Variants in MGAT4C observed in about 807,000 individuals in gnomAD.
MGAT4C encodes MGAT4 family member C.
In MGAT4C, 19 loss-of-function variants were observed where a neutral mutation model predicts 40.1. The ratio of observed to expected loss-of-function variants is 0.47; its 90% CI spans 0.33 to 0.70. The LOEUF is 0.70. Ranked by LOEUF, MGAT4C falls within the 30% of genes least tolerant of loss-of-function variation. The pLI is 0.02. For synonymous variants in MGAT4C, 181 were observed against 187.1 expected, an observed-to-expected ratio of 0.97 and a Z score of 0.27; for missense variants, 491 against 563.2, an observed-to-expected ratio of 0.87 and a Z score of 1.30.
intron 2 of MGAT4C, among the ~76,000 whole-genome samples, chr12:86,607,033 A>G (rs1250878513): frequency 2.0e-5 from 3 of 152,142 alleles, no homozygotes; most frequent in African/African-American, 7.2e-5. Flanking sequence ...ATGAACTTGG[A>G]AAGTATATGA....
chr12:86,631,870 A>G (rs557233889), intron 2 of MGAT4C, among the ~76,000 whole-genome samples: 4 of 152,192 alleles, frequency 2.6e-5, no homozygotes, highest in Middle Eastern at 3.4e-3. Context: ...CTAAAACACC[A>G]AAAGCAATGG....
At chr12:86,377,799 A>T (rs1356878060) in intron 3 of MGAT4C, among the ~76,000 whole-genome samples, 1 of 152,116 alleles carries the variant, frequency 6.6e-6, no homozygotes, top group Non-Finnish European at 1.5e-5. Flanking sequence ...ACCCATCTTG[A>T]GAACTTTTCT....
intron 2 of MGAT4C, among the ~76,000 whole-genome samples, chr12:86,530,906 A>G (rs1029106966): frequency 4.6e-5 from 7 of 152,222 alleles, no homozygotes; most frequent in Admixed American, 3.9e-4. Context: ...AATGTTATAT[A>G]CATATATCTT....
chr12:86,203,997 T>TATATATATATA (rs1437540260), intron 1 of MGAT4C, among the ~76,000 whole-genome samples: 1 of 148,634 alleles, frequency 6.7e-6, no homozygotes, highest in Non-Finnish European at 1.5e-5. Context: ...TATATATGCC[T>TATATATATATA]TATAGCTAAC....
At chr12:86,468,644 C>G (rs903042562) in intron 2 of MGAT4C, among the ~76,000 whole-genome samples, 1 of 151,958 alleles carries the variant, frequency 6.6e-6, no homozygotes, top group Non-Finnish European at 1.5e-5. Flanking sequence ...ATGAACATAA[C>G]CCTTGTTATT....
At chr12:86,794,981 G>C (rs1223636337) in intron 1 of MGAT4C, among the ~76,000 whole-genome samples, 1 of 151,714 alleles carries the variant, frequency 6.6e-6, no homozygotes, top group African/African-American at 2.4e-5. Context: ...TATTTGATCT[G>C]ATAATTACTT....
At chr12:86,707,438 T>C (rs1950478440) in intron 2 of MGAT4C, among the ~76,000 whole-genome samples, 1 of 152,124 alleles carries the variant, frequency 6.6e-6, no homozygotes, top group African/African-American at 2.4e-5. Flanking sequence ...GAAAAGACAC[T>C]GACAGCATTT....
At chr12:86,322,140 G>A (rs891760546) in intron 4 of MGAT4C, among the ~76,000 whole-genome samples, 6 of 148,056 alleles carry the variant, frequency 4.1e-5, no homozygotes, top group South Asian at 2.1e-4. Flanking sequence ...ACCAAACACC[G>A]CATGTTTTCA....
At chr12:86,268,228 A>T (rs1162126283) in intron 4 of MGAT4C, among the ~76,000 whole-genome samples, 1 of 152,114 alleles carries the variant, frequency 6.6e-6, no homozygotes, top group Non-Finnish European at 1.5e-5. Flanking sequence ...TACAGATGTG[A>T]AAAATGAAAT....
intron 3 of MGAT4C, among the ~76,000 whole-genome samples, chr12:86,412,574 C>A (rs1428366029): frequency 6.6e-6 from 1 of 152,132 alleles, no homozygotes; most frequent in Non-Finnish European, 1.5e-5. Context: ...TGCCTGTACC[C>A]ACATTGTATC....
intron 4 of MGAT4C, among the ~76,000 whole-genome samples, chr12:86,322,778 T>G (rs1954427618): frequency 6.6e-6 from 1 of 152,082 alleles, no homozygotes; most frequent in Non-Finnish European, 1.5e-5. Context: ...ATATGAGTCA[T>G]AGAGCATATA....
intron 1 of MGAT4C, among the ~76,000 whole-genome samples, chr12:86,061,158 C>A (rs1893922601): frequency 6.6e-6 from 1 of 152,144 alleles, no homozygotes; most frequent in African/African-American, 2.4e-5. Context: ...AACTGAGGTA[C>A]CTGGTTCATC....
chr12:86,814,357 C>T (rs1473537813), intron 1 of MGAT4C, among the ~76,000 whole-genome samples: 3 of 1,148 alleles, frequency 2.6e-3, no homozygotes, highest in Non-Finnish European at 3.8e-3. Flanking sequence ...TATACATATA[C>T]GTATATATAT....
rs184565942 is a variant in MGAT4C at position 86,663,884 on chromosome 12, G to T, written c.-229+63325C>A. ...CAAAGCTCCTATGCTTGTGGGCAAAGAATTCTTGGATTTCTGCCAACACTG... is the reference window on the plus strand; with the variant it reads ...CAAAGCTCCTATGCTTGTGGGCAAATAATTCTTGGATTTCTGCCAACACTG... On this transcript the variant is annotated intron_variant, in intron 2 of 7. Coordinates refer to the MGAT4C transcript ENST00000548651. 2.8e-4 allele frequency among the ~76,000 whole-genome samples: 43 copies of T among 152,324 alleles called. 1 individual carries two copies. Among genetic ancestry groups the T allele is most frequent in the Admixed American group, 1.2e-3 (19 of 15,298 alleles).
Position 85,975,363 on chromosome 12 carries a change from T to A in MGAT4C, c.*3926A>T, listed in dbSNP as rs1883897204. Reference sequence around the variant, plus strand: ...ACATGGATAAAAAGGAAACAAATATTTATTGTGTGCCTAGTTTATGTTATC... The same window carrying A: ...ACATGGATAAAAAGGAAACAAATATATATTGTGTGCCTAGTTTATGTTATC... On this transcript the variant is annotated 3_prime_UTR_variant, in exon 5 of 5. Coordinates refer to ENST00000611864, the MANE Select transcript of MGAT4C (RefSeq NM_001351288.2). 1 of 151,010 alleles carries A rather than the reference T, an allele frequency of 6.6e-6. No individual in the cohort carries two copies. The highest frequency in any genetic ancestry group is 1.5e-5 in the Non-Finnish European group (1 of 67,184). The allele number at this position is 151,010 out of a possible 1,614,324, so 9.4% of individuals were successfully genotyped here.
chr12:85,993,043 C>A (rs1886148232), intron 2 of MGAT4C, among the ~76,000 whole-genome samples: 1 of 152,208 alleles, frequency 6.6e-6, no homozygotes. Flanking sequence ...GTCTCAACTG[C>A]TCCAATAACA....
At chr12:86,457,728 T>C (rs1195191539) in intron 2 of MGAT4C, among the ~76,000 whole-genome samples, 1 of 152,132 alleles carries the variant, frequency 6.6e-6, no homozygotes, top group Non-Finnish European at 1.5e-5. Flanking sequence ...GTAATGAAGC[T>C]GTCAGCAGTT....
At chr12:86,743,103 T>C (rs774238149) in intron 1 of MGAT4C, among the ~76,000 whole-genome samples, 37 of 142,612 alleles carry the variant, frequency 2.6e-4, no homozygotes, top group Non-Finnish European at 4.7e-4. Context: ...TGTGTGTATG[T>C]ATGTGTGTAT....
chr12:86,789,326 A>T (rs1400960124), intron 1 of MGAT4C, among the ~76,000 whole-genome samples: 1 of 152,118 alleles, frequency 6.6e-6, no homozygotes, highest in Non-Finnish European at 1.5e-5. Context: ...CTTTAATCAC[A>T]CAAGAACAGC....
Sources: allele counts gnomAD v4.1 joint callset (sites outside exome capture counted in the v4.1 genomes callset), GRCh38; gene constraint gnomAD v4.1.1; transcripts MANE v1.5; gene names NCBI Gene and HGNC (gene_info 2026-07-23, HGNC 2026-07-21).